CELF2: variants seen among roughly 807,000 people sequenced by gnomAD.
CELF2 encodes CUG triplet repeat RNA-binding protein 2.
CELF2 carries 8 observed loss-of-function variants against 62.6 expected under a neutral mutation model. The ratio of observed to expected loss-of-function variants is 0.13; its 90% CI spans 0.07 to 0.23. CELF2 has a LOEUF of 0.23. Ranked by LOEUF, CELF2 falls within the 10% of genes least tolerant of loss-of-function variation. CELF2 has a pLI of 1.00. For synonymous variants in CELF2, 258 were observed against 250.0 expected (o/e 1.03, Z -0.30); for missense variants, 333 against 671.0 (o/e 0.50, Z 5.56).
At chr10:11,000,531 T>C (rs372895677), upstream of CELF2, among the ~76,000 whole-genome samples, 12 of 152,316 alleles carry the variant, frequency 7.9e-5, no homozygotes, top group African/African-American at 2.9e-4. Flanking sequence ...CAGCTCCAAT[T>C]TGAAAATGAG....
chr10:10,517,457 G>C, the CELF2 span, among the ~76,000 whole-genome samples: 3 of 152,186 alleles, frequency 2.0e-5, no homozygotes, highest in Non-Finnish European at 2.9e-5. Flanking sequence ...CCCTGACCCT[G>C]GTCAGCTCCA....
intron 1 of CELF2, among the ~76,000 whole-genome samples, chr10:10,875,849 C>T (rs546779077): frequency 6.6e-6 from 1 of 152,236 alleles, no homozygotes; most frequent in Non-Finnish European, 1.5e-5. Flanking sequence ...TGCAAGATGA[C>T]TGCTCTATCA....
intron 5 of CELF2, among the ~76,000 whole-genome samples, chr10:11,259,891 T>C (rs1237455771): frequency 6.6e-6 from 1 of 152,254 alleles, no homozygotes; most frequent in Non-Finnish European, 1.5e-5. Flanking sequence ...ATTCCTTTTC[T>C]GGTGCCAATT....
the CELF2 span, among the ~76,000 whole-genome samples, chr10:10,736,806 C>CAA: frequency 1.8e-4 from 27 of 152,050 alleles, no homozygotes; most frequent in African/African-American, 6.3e-4. Flanking sequence ...ACACCAACAC[C>CAA]AATCTGTTTA....
intron 1 of CELF2, among the ~76,000 whole-genome samples, chr10:11,135,357 C>T (rs1014386508): frequency 6.6e-6 from 1 of 152,198 alleles, no homozygotes; most frequent in Non-Finnish European, 1.5e-5. Context: ...TCGTACATGA[C>T]GTGAAATAGT....
At chr10:10,516,813 G>A in the CELF2 span, among the ~76,000 whole-genome samples, 1 of 151,476 alleles carries the variant, frequency 6.6e-6, no homozygotes, top group Non-Finnish European at 1.5e-5. Context: ...AACTCTGGAA[G>A]GGGGAGACAA....
At chr10:11,019,707 G>A (rs1452316941) in intron 1 of CELF2, among the ~76,000 whole-genome samples, 3 of 152,064 alleles carry the variant, frequency 2.0e-5, no homozygotes, top group South Asian at 4.2e-4. Context: ...CATCTTTTCC[G>A]TATTCTGTTT....
rs117798080 is a variant in CELF2, at chr10:11,266,653, C to T, written c.594C>T (p.Ala198=). ...TRAMAQNAIK[A]MHQSQTMEGC... ...CAATGGCACAGAATGCAATCAAAGC[C>T]ATGCATCAGTCTCAGACCATGGAGG... Residue 198 remains alanine (A), a synonymous_variant, in exon 6 of 13, where the codon GCC becomes GCT. Transcript: ENST00000633077. 1.2e-5 allele frequency: 19 copies of T among 1,613,980 alleles called. No individual in the cohort carries two copies. In the East Asian group the frequency reaches 4.2e-4, roughly 36 times the overall value.
At chr10:11,107,299 A>C (rs560540169) in intron 1 of CELF2, among the ~76,000 whole-genome samples, 2 of 152,114 alleles carry the variant, frequency 1.3e-5, no homozygotes, top group African/African-American at 4.8e-5. Flanking sequence ...TCCAGGCTAA[A>C]CTGGCCTGTG....
intron 1 of CELF2, among the ~76,000 whole-genome samples, chr10:11,070,259 G>T (rs1299099664): frequency 3.3e-5 from 5 of 152,180 alleles, no homozygotes; most frequent in Non-Finnish European, 7.4e-5. Flanking sequence ...GTAGGAGACA[G>T]ACGGTTTGCT....
At chr10:11,043,960 T>C (rs1231574163) in intron 1 of CELF2, among the ~76,000 whole-genome samples, 2 of 152,348 alleles carry the variant, frequency 1.3e-5, no homozygotes, top group East Asian at 3.9e-4. Context: ...CATGGGCTTC[T>C]TCGCTGTCCT....
intron 1 of CELF2, among the ~76,000 whole-genome samples, chr10:10,827,387 A>T (rs2057481742): frequency 6.6e-6 from 1 of 152,192 alleles, no homozygotes; most frequent in Non-Finnish European, 1.5e-5. Flanking sequence ...TTCTGAGGAT[A>T]AGTAGGGAAA....
rs556529178 is a variant in CELF2, at chr10:11,329,183, T to C, written c.*130T>C. Reference sequence around the variant, plus strand: ...TTTTACCAAGAGAGACGGTTATTTTTACAATAAGGCCTCCATGTCCCCACC... The same window carrying C: ...TTTTACCAAGAGAGACGGTTATTTTCACAATAAGGCCTCCATGTCCCCACC... On this transcript the variant is annotated 3_prime_UTR_variant, in exon 13 of 13. Coordinates refer to ENST00000633077, the MANE Select transcript of CELF2 (RefSeq NM_001326342.2). This position sits in a 1 kb window ranked among gnomAD's most constrained non-coding sequence, Gnocchi z 5.5. 1.1e-3 allele frequency: 1,058 copies of C among 959,026 alleles called. 1 individual carries two copies. Among genetic ancestry groups the C allele is most frequent in the Non-Finnish European group, 1.4e-3 (907 of 666,162 alleles). The allele number at this position is 959,026 out of a possible 1,614,324, so 59.4% of individuals were successfully genotyped here. A position where few individuals can be genotyped will look rare whatever the true frequency, so the allele number is the denominator to read the frequency against.
chr10:10,837,029 A>T (rs2058343581), intron 1 of CELF2, among the ~76,000 whole-genome samples: 1 of 152,196 alleles, frequency 6.6e-6, no homozygotes, highest in Non-Finnish European at 1.5e-5. Context: ...TTTGCCTACA[A>T]GAACTCTTAC....
Position 11,314,097 on chromosome 10 carries a change from C to T in CELF2, c.977-42C>T. 1 of 1,576,238 alleles carries T rather than the reference C, an allele frequency of 6.3e-7. No individual in the cohort carries two copies. The highest frequency in any genetic ancestry group is 8.7e-7 in the Non-Finnish European group (1 of 1,155,882). ...ATTTCCAGTCTCGGCTCTCACTCAC[C>T]TCGTGTCTTCTCTCCCCTTGTCTCT... On this transcript the variant is annotated intron_variant, in intron 9 of 12. Coordinates refer to ENST00000633077, the MANE Select transcript of CELF2 (RefSeq NM_001326342.2). The surrounding 1 kb of genome is among the most constrained non-coding windows in gnomAD (Gnocchi z 5.3).
chr10:10,631,637 C>A, the CELF2 span, among the ~76,000 whole-genome samples: 2 of 152,160 alleles, frequency 1.3e-5, no homozygotes, highest in East Asian at 1.9e-4. Flanking sequence ...AAAATGTGAA[C>A]GAGCAGTGAT....
chr10:10,943,766 T>C (rs1004332706), intron 2 of CELF2, among the ~76,000 whole-genome samples: 5 of 131,152 alleles, frequency 3.8e-5, no homozygotes, highest in African/African-American at 1.4e-4. Flanking sequence ...TCCCAGCTTT[T>C]TTTTTGTTTT....
In CELF2 at chr10:11,171,603, G is replaced by C. The variant is rs184811327; in HGVS notation, c.271+5921G>C. 2.9e-3 allele frequency among the ~76,000 whole-genome samples: 449 copies of C among 152,342 alleles called. 2 individuals carry two copies. Among genetic ancestry groups the C allele is most frequent in the Non-Finnish European group, 5.1e-3 (344 of 68,032 alleles). On this transcript the variant is annotated intron_variant, in intron 2 of 12. Transcript: ENST00000633077. The stretch of plus-strand genomic sequence containing the variant: ...TTATTTCAGAATTGGCCCGAAGGTA[G>C]CCCTAAATCCAGAAGTTTCTTCTGT...
At chr10:10,710,743 A>G in the CELF2 span, among the ~76,000 whole-genome samples, 1 of 152,210 alleles carries the variant, frequency 6.6e-6, no homozygotes, top group Non-Finnish European at 1.5e-5. Context: ...GAGAAACACT[A>G]AAATGCATTA....
Sources: gnomAD v4.1 joint callset for allele counts (sites outside exome capture counted in the v4.1 genomes callset) on GRCh38, gnomAD v4.1.1 for gene constraint, Gnocchi (gnomAD v3.1) non-coding constraint, MANE v1.5 for transcripts, NCBI Gene and HGNC (gene_info 2026-07-23, HGNC 2026-07-21) for gene names.